The following ATXN1 variants were observed in gnomAD, a reference collection of about 807,000 sequenced individuals.
ATXN1 encodes the protein ataxin 1, also known as ataxin-1.
ATXN1 carries 8 observed loss-of-function variants against 56.4 expected under a neutral mutation model. That is an observed-to-expected ratio of 0.14 (90% CI 0.08 to 0.26). The LOEUF is 0.26. Ranked by LOEUF, ATXN1 falls within the 10% of genes least tolerant of loss-of-function variation. The probability of loss-of-function intolerance (pLI) is 1.00; values close to 1 mark genes in which losing one functional copy is unlikely to be tolerated. For missense variants in ATXN1, 987 were observed against 1,106.5 expected (o/e 0.89, Z 1.53); for synonymous variants, 514 against 494.6 (o/e 1.04, Z -0.52).
In ATXN1 at chr6:16,410,453, T is replaced by C. The variant is rs1758773775; in HGVS notation, c.-161+75519A>G. ...TTCTTTCCTAATGCTTGCACTGGGA[T>C]TTCTGACGAATACCTCAGAGGCTAT... On this transcript the variant is annotated intron_variant, in intron 6 of 7. Coordinates refer to ENST00000436367, the MANE Select transcript of ATXN1 (RefSeq NM_001128164.2). The surrounding 1 kb of genome is among the most constrained non-coding windows in gnomAD (Gnocchi z 4.6). Among the ~76,000 whole-genome samples the C allele has an allele frequency of 6.6e-6, 1 of 152,232 alleles. No homozygotes were observed. Among genetic ancestry groups the C allele is most frequent in the Admixed American group, 6.5e-5 (1 of 15,280 alleles).
intron 6 of ATXN1, among the ~76,000 whole-genome samples, chr6:16,355,852 C>G (rs1470364418): frequency 6.6e-6 from 1 of 152,080 alleles, no homozygotes; most frequent in Non-Finnish European, 1.5e-5. Context: ...GCGTGAGGCA[C>G]CACGCCCAGC....
intron 3 of ATXN1, among the ~76,000 whole-genome samples, chr6:16,643,554 C>T (rs112627471): frequency 7.2e-6 from 1 of 139,426 alleles, no homozygotes; most frequent in Non-Finnish European, 1.5e-5. Context: ...ACTTGAGGCC[C>T]GGAGGTCGAG....
chr6:16,445,269 T>C lies in ATXN1; in HGVS notation c.-161+40703A>G, dbSNP rs373835038. Among the ~76,000 whole-genome samples, 50 of 152,322 alleles carry C rather than the reference T, an allele frequency of 3.3e-4. 1 individual carries two copies. In the South Asian group the frequency reaches 7.9e-3, roughly 24 times the overall value. ...GTGATGATGATGTTGTAGTTGTGTA[T>C]GAGAAGAAGAATCCTAATCATTTAT... On this transcript the variant is annotated intron_variant, in intron 6 of 7. Coordinates refer to ENST00000436367, the MANE Select transcript of ATXN1 (RefSeq NM_001128164.2).
chr6:16,308,633 G>T (rs550075993), intron 7 of ATXN1, among the ~76,000 whole-genome samples: 1 of 152,142 alleles, frequency 6.6e-6, no homozygotes, highest in Non-Finnish European at 1.5e-5. Flanking sequence ...CAAGCCAACA[G>T]GCCTTTCAAG....
intron 6 of ATXN1, among the ~76,000 whole-genome samples, chr6:16,425,719 A>AAG (rs1481584026): frequency 6.6e-6 from 1 of 152,102 alleles, no homozygotes; most frequent in East Asian, 1.9e-4. Context: ...AAGAATAAGA[A>AAG]GTCATCTGGG....
At chr6:16,477,373 T>C (rs1483057271) in intron 6 of ATXN1, among the ~76,000 whole-genome samples, 3 of 152,176 alleles carry the variant, frequency 2.0e-5, no homozygotes, top group African/African-American at 4.8e-5. Context: ...GTTCTTTGGA[T>C]CCAAATCGGA....
intron 2 of ATXN1, among the ~76,000 whole-genome samples, chr6:16,674,200 C>A (rs1222248564): frequency 6.6e-6 from 1 of 152,146 alleles, no homozygotes; most frequent in Non-Finnish European, 1.5e-5. Flanking sequence ...TTATTCCCAG[C>A]CACAGGCAAG....
chr6:16,369,423 G>A (rs1007633574), intron 6 of ATXN1, among the ~76,000 whole-genome samples: 1 of 152,084 alleles, frequency 6.6e-6, no homozygotes, highest in African/African-American at 2.4e-5. Context: ...CACGGTTATG[G>A]CCCAAAAAGC....
chr6:16,413,345 G>GTT (rs60385649), intron 6 of ATXN1, among the ~76,000 whole-genome samples: 11 of 148,218 alleles, frequency 7.4e-5, no homozygotes, highest in Admixed American at 3.4e-4. Flanking sequence ...CACTGTTTTT[G>GTT]TTTTTTTTTT....
chr6:16,409,849 A>G (rs985669960), intron 6 of ATXN1, among the ~76,000 whole-genome samples: 1 of 152,124 alleles, frequency 6.6e-6, no homozygotes, highest in African/African-American at 2.4e-5. Context: ...GAGAAGTTCC[A>G]CAAAACTGTG....
In ATXN1 at chr6:16,328,515, G is replaced by A. The variant is rs1368281461; in HGVS notation, c.-160-45C>T. On this transcript the variant is annotated intron_variant, in intron 6 of 7. Transcript: ENST00000436367. This position sits in a 1 kb window ranked among gnomAD's most constrained non-coding sequence, Gnocchi z 6.2. ...AGTGACAAAGGGAAAAGGAAAGGGA[G>A]GAGAAAGGGAAGGAGGGAAAGGACA... 25 of 940,906 alleles carry A rather than the reference G, an allele frequency of 2.7e-5. No homozygotes were observed. Among genetic ancestry groups the A allele is most frequent in the Non-Finnish European group, 3.4e-5 (24 of 704,040 alleles). The allele number at this position is 940,906 out of a possible 1,614,324, so 58.3% of individuals were successfully genotyped here. A position where few individuals can be genotyped will look rare whatever the true frequency, so the allele number is the denominator to read the frequency against.
chr6:16,417,773 G>A (rs1160486138), intron 6 of ATXN1, among the ~76,000 whole-genome samples: 2 of 151,970 alleles, frequency 1.3e-5, no homozygotes, highest in Non-Finnish European at 2.9e-5. Flanking sequence ...CTGTTTCTCA[G>A]CATACGAACA....
At chr6:16,586,441 T>C (rs1341274873) in intron 3 of ATXN1, among the ~76,000 whole-genome samples, 1 of 152,214 alleles carries the variant, frequency 6.6e-6, no homozygotes, top group African/African-American at 2.4e-5. Flanking sequence ...AGACATGATG[T>C]CAGTGATGGC....
intron 5 of ATXN1, among the ~76,000 whole-genome samples, chr6:16,520,073 A>T (rs1203648640): frequency 6.6e-6 from 1 of 152,170 alleles, no homozygotes; most frequent in African/African-American, 2.4e-5. Context: ...TGTCATTGCC[A>T]CCTGGCCTCT....
intron 3 of ATXN1, among the ~76,000 whole-genome samples, chr6:16,639,799 A>G (rs917721296): frequency 6.6e-6 from 1 of 152,198 alleles, no homozygotes; most frequent in Non-Finnish European, 1.5e-5. Context: ...CTCTACTACA[A>G]TTTCATTGCT....
chr6:16,631,425 C>T (rs906677837), intron 3 of ATXN1, among the ~76,000 whole-genome samples: 29 of 152,160 alleles, frequency 1.9e-4, no homozygotes, highest in African/African-American at 6.3e-4. Context: ...TATATTTGCC[C>T]CTTGAGTCCC....
chr6:16,473,917 C>A (rs776284420), intron 6 of ATXN1, among the ~76,000 whole-genome samples: 1 of 152,180 alleles, frequency 6.6e-6, no homozygotes, highest in Non-Finnish European at 1.5e-5. Flanking sequence ...TCTAGGCTAA[C>A]GAGTGTTTTT....
At chr6:16,586,009 T>A (rs1762614383) in intron 3 of ATXN1, 102 bp from the exon 4 acceptor site, 3 of 151,372 alleles carry the variant, frequency 2.0e-5, no homozygotes. Flanking sequence ...TATTGCATAA[T>A]CTCTCACACA....
intron 3 of ATXN1, among the ~76,000 whole-genome samples, chr6:16,590,672 T>C (rs79280618): frequency 1.4e-5 from 2 of 143,102 alleles, no homozygotes; most frequent in African/African-American, 5.2e-5. Flanking sequence ...CATAACATTC[T>C]TTTTTTTTTT....
Sources: gnomAD v4.1 joint callset for allele counts (sites outside exome capture counted in the v4.1 genomes callset) on GRCh38, gnomAD v4.1.1 for gene constraint, Gnocchi (gnomAD v3.1) non-coding constraint, MANE v1.5 for transcripts, NCBI Gene and HGNC (gene_info 2026-07-23, HGNC 2026-07-21) for gene names.